The following REST variants were observed in gnomAD, a reference collection of about 807,000 sequenced individuals.
The protein encoded by REST is RE1 silencing transcription factor.
REST carries 1 observed loss-of-function variant against 30.4 expected under a neutral mutation model. The observed-to-expected ratio is 0.03, with a 90% CI of 0.01 to 0.16. The LOEUF is 0.16. Ranked by LOEUF, REST falls within the 10% of genes least tolerant of loss-of-function variation. The pLI is 1.00. For missense variants in REST, 1,259 were observed against 1,329.5 expected (o/e 0.95, Z 0.82); for synonymous variants, 504 against 451.1 (o/e 1.12, Z -1.49).
intron 3 of REST, among the ~76,000 whole-genome samples, chr4:56,926,248 A>T (rs1232639603): frequency 1.3e-5 from 2 of 149,470 alleles, no homozygotes; most frequent in Non-Finnish European, 3.0e-5. Flanking sequence ...TTTAGTAGAG[A>T]TGGGGTTTCA....
chr4:56,925,738 A>C (rs1012512556), intron 3 of REST, among the ~76,000 whole-genome samples: 8 of 152,238 alleles, frequency 5.3e-5, no homozygotes, highest in Non-Finnish European at 8.8e-5. Flanking sequence ...ATCTTGATGA[A>C]TATATTTTAA....
At chr4:56,917,704 C>T (rs1720263759) in intron 2 of REST, among the ~76,000 whole-genome samples, 1 of 152,104 alleles carries the variant, frequency 6.6e-6, no homozygotes, top group African/African-American at 2.4e-5. Flanking sequence ...TTACCAAGGT[C>T]ATAATTATCT....
Position 56,910,916 on chromosome 4 carries a change from T to A in REST, c.278T>A (p.Leu93His). 11 of 1,614,206 alleles carry A rather than the reference T, an allele frequency of 6.8e-6. No individual in the cohort carries two copies. Among genetic ancestry groups the A allele is most frequent in the Non-Finnish European group, 8.5e-6 (10 of 1,180,038 alleles). Reference sequence around the variant, plus strand: ...TCAGATAGTGAAGAAGGAGAAGGACTTGAAGAGTCTGCTGATATAAAAGGT... The same window carrying A: ...TCAGATAGTGAAGAAGGAGAAGGACATGAAGAGTCTGCTGATATAAAAGGT... ...NFSDSEEGEG[L>H]EESADIKGEP... The change falls in exon 2 of 4, where the codon CTT (leucine) becomes CAT (histidine). Residue 93 changes from leucine to histidine, a missense_variant. This residue lies in a region of REST where 249 missense variants were observed against 251.5 expected (regional missense o/e 0.99). Coordinates refer to ENST00000309042, the MANE Select transcript of REST (RefSeq NM_005612.5).
rs751325926 is a variant in REST, at chr4:56,911,297, G to A, written c.659G>A (p.Arg220His). Residue 220 changes from arginine (R) to histidine (H), a missense_variant, in exon 2 of 4, where the codon CGC (arginine) becomes CAC (histidine). Physicochemically the swap from Arg to His is conservative, Grantham distance 29. This residue lies in a region of REST where 125 missense variants were observed against 255.4 expected (regional missense o/e 0.49). Coordinates refer to ENST00000309042, the MANE Select transcript of REST (RefSeq NM_005612.5). ...TCCAAGGGCCCCATTCGCTGTGACCGCTGCGGCTACAATACTAATCGATAT... is the reference window on the plus strand; with the variant it reads ...TCCAAGGGCCCCATTCGCTGTGACCACTGCGGCTACAATACTAATCGATAT... ...DFSKGPIRCD[R>H]CGYNTNRYDH... is the part of the protein sequence containing the mutation. The A allele has an allele frequency of 2.5e-6, 4 of 1,613,996 alleles. No homozygotes were observed. The Admixed American group carries it at 5.0e-5, about 20-fold the overall frequency.
chr4:56,931,883 G>C lies in REST; in HGVS notation c.3025G>C (p.Glu1009Gln). ...TGAGTCTCAGGAAATTGATGAAGAT[G>C]AAGGCATCCACAGCCATGAAGGAAG... ...ANESQEIDEDEGIHSHEGSDL... is the reference protein window; with the variant it reads ...ANESQEIDEDQGIHSHEGSDL... The change falls in exon 4 of 4, where the codon GAA becomes CAA. Residue 1009 changes from glutamate (E) to glutamine (Q), a missense_variant. Physicochemically the swap from Glu to Gln is conservative, Grantham distance 29. Coordinates refer to ENST00000309042, the MANE Select transcript of REST (RefSeq NM_005612.5). 6.2e-7 allele frequency: 1 copy of C among 1,614,242 alleles called. No homozygotes were observed. The highest frequency in any genetic ancestry group is 8.5e-7 in the Non-Finnish European group (1 of 1,180,044).
At position 56,930,249 on chromosome 4, in the gene REST, A is replaced by T; in HGVS notation, c.1391A>T (p.Lys464Met). The T allele has an allele frequency of 6.2e-7, 1 of 1,607,410 alleles. No individual in the cohort carries two copies. Among genetic ancestry groups the T allele is most frequent in the Non-Finnish European group, 8.5e-7 (1 of 1,178,630 alleles). ...GATGTGGCTGGAAAGAAAAATGAAA[A>T]GTCCGTCAAAGCAGAGAAAAGAGAT... ...KGDVAGKKNE[K>M]SVKAEKRDVS... is the part of the protein sequence containing the mutation. The change falls in exon 4 of 4, where the codon AAG (lysine) becomes ATG (methionine). Residue 464 changes from lysine to methionine, a missense_variant. This residue lies in a region of REST where 856 missense variants were observed against 772.8 expected (regional missense o/e 1.11). Coordinates refer to ENST00000309042, the MANE Select transcript of REST (RefSeq NM_005612.5).
intron 3 of REST, among the ~76,000 whole-genome samples, chr4:56,928,017 A>G (rs892183378): frequency 1.7e-4 from 26 of 152,366 alleles, no homozygotes; most frequent in Admixed American, 1.6e-3. Context: ...TTTTGCACCT[A>G]GGATCTGGGA....
chr4:56,911,751 G>A (rs1219022296), intron 2 of REST, among the ~76,000 whole-genome samples: 1 of 152,222 alleles, frequency 6.6e-6, no homozygotes, highest in Admixed American at 6.5e-5. Context: ...GAAGTTACAT[G>A]TAAAGCACAG....
chr4:56,927,662 T>C, intron 3 of REST: 2 of 1,244,696 alleles, frequency 1.6e-6, no homozygotes, highest in South Asian at 1.3e-5. Flanking sequence ...GTGATCTAGA[T>C]GGGTATGTAT....
At chr4:56,909,038 C>A (rs1378191412) in intron 1 of REST, 1 of 152,220 alleles carries the variant, frequency 6.6e-6, no homozygotes. Context: ...GCCGGCTGCG[C>A]GGTAACTTTC....
intron 2 of REST, among the ~76,000 whole-genome samples, chr4:56,915,234 G>A (rs888028064): frequency 6.8e-5 from 8 of 117,750 alleles, no homozygotes; most frequent in East Asian, 4.9e-4. Context: ...GTGTGTGTGT[G>A]TGTGTATTTT....
At chr4:56,915,974 G>A (rs899235986) in intron 2 of REST, among the ~76,000 whole-genome samples, 2 of 152,312 alleles carry the variant, frequency 1.3e-5, no homozygotes, top group Non-Finnish European at 2.9e-5. Context: ...GATGGCTCAC[G>A]CCTGTAATCC....
chr4:56,930,367 T>C lies in REST; in HGVS notation c.1509T>C (p.Asp503=), dbSNP rs2109573778. 6.2e-7 allele frequency: 1 copy of C among 1,613,948 alleles called. No individual in the cohort carries two copies. The highest frequency in any genetic ancestry group is 8.5e-7 in the Non-Finnish European group (1 of 1,180,002). ...RKSVTEVKEM[D]VHTGSNSEKF... The stretch of plus-strand genomic sequence containing the variant: ...CAGTAACAGAGGTGAAAGAGATGGA[T>C]GTGCATACAGGAAGCAATTCAGAAA... The change falls in exon 4 of 4, where the codon GAT becomes GAC. Residue 503 remains aspartate (D), a synonymous_variant. Coordinates refer to ENST00000309042, the MANE Select transcript of REST (RefSeq NM_005612.5).
intron 2 of REST, among the ~76,000 whole-genome samples, chr4:56,917,077 C>G (rs183049068): frequency 6.6e-6 from 1 of 152,298 alleles, no homozygotes. Context: ...GTCTTCATCT[C>G]CTTGTGGTTT....
At chr4:56,922,154 T>C (rs941041460) in intron 3 of REST, among the ~76,000 whole-genome samples, 5 of 152,038 alleles carry the variant, frequency 3.3e-5, no homozygotes, top group African/African-American at 1.2e-4. Flanking sequence ...GTTTTATTAT[T>C]TTTGGGTGTT....
At chr4:56,916,752 C>T (rs1027500716) in intron 2 of REST, among the ~76,000 whole-genome samples, 2 of 152,214 alleles carry the variant, frequency 1.3e-5, no homozygotes, top group East Asian at 3.8e-4. Context: ...ATGCAGTTCA[C>T]TATATATTGG....
Position 56,930,578 on chromosome 4 carries a change from T to C in REST, c.1720T>C (p.Cys574Arg). The change falls in exon 4 of 4, where the codon TGC (cysteine) becomes CGC (arginine). Residue 574 changes from cysteine to arginine, a missense_variant. Cys to Arg is a radical substitution (Grantham distance 180, BLOSUM62 -3). Coordinates refer to ENST00000309042, the MANE Select transcript of REST (RefSeq NM_005612.5). The stretch of plus-strand genomic sequence containing the variant: ...GGAGGAGAATAAAAAGCAAAATACT[T>C]GCATGAAAAAAAGTACAAAGAAGAA... ...KVEENKKQNTCMKKSTKKKTL... is the reference protein window; with the variant it reads ...KVEENKKQNTRMKKSTKKKTL... 1 of 1,612,000 alleles carries C rather than the reference T, an allele frequency of 6.2e-7. No homozygotes were observed. The highest frequency in any genetic ancestry group is 8.5e-7 in the Non-Finnish European group (1 of 1,179,626).
intron 2 of REST, among the ~76,000 whole-genome samples, chr4:56,918,772 G>A (rs1720316799): frequency 6.6e-6 from 1 of 151,958 alleles, no homozygotes; most frequent in East Asian, 2.0e-4. Context: ...TTGGGCTCAA[G>A]CAATCCTCCC....
In REST at chr4:56,908,085, A is replaced by T; in HGVS notation, c.-138A>T. 3.0e-6 allele frequency: 1 copy of T among 333,644 alleles called. No homozygotes were observed. The highest frequency in any genetic ancestry group is 5.5e-6 in the Non-Finnish European group (1 of 183,430). 20.7% of individuals were successfully genotyped at this position (333,644 alleles called of 1,614,324 possible). ...CCCCACTCCTGGGCCTTCTTGGTCC[A>T]CGACGGCCCCAGCACCCAACTTTAC... On this transcript the variant is annotated 5_prime_UTR_variant, in exon 1 of 4. Coordinates refer to ENST00000309042, the MANE Select transcript of REST (RefSeq NM_005612.5).
Sources: gnomAD v4.1 joint callset for allele counts (sites outside exome capture counted in the v4.1 genomes callset) on GRCh38, gnomAD v4.1.1 for gene constraint, gnomAD v4.1.1 regional missense constraint, MANE v1.5 for transcripts, NCBI Gene and HGNC (gene_info 2026-07-23, HGNC 2026-07-21) for gene names.